HSDL2: variants seen among roughly 807,000 people sequenced by gnomAD.
HSDL2 encodes hydroxysteroid dehydrogenase-like protein 2.
In HSDL2, 27 loss-of-function variants were observed where a neutral mutation model predicts 46.3. That is an observed-to-expected ratio of 0.58 (90% CI 0.43 to 0.80). HSDL2 has a LOEUF of 0.80. HSDL2 is among the 30% of genes least tolerant of loss of function. The pLI is 0.00. For missense variants in HSDL2, 451 were observed against 502.7 expected (o/e 0.90, Z 0.98); for synonymous variants, 153 against 163.6 (o/e 0.94, Z 0.50).
intron 10 of HSDL2, among the ~76,000 whole-genome samples, chr9:112,467,594 A>G (rs1319340586): frequency 1.3e-5 from 2 of 152,106 alleles, no homozygotes; most frequent in Non-Finnish European, 2.9e-5. Context: ...CATCCTCATG[A>G]TTTCACCTAA....
In HSDL2 at chr9:112,471,062, A is replaced by C. The variant is rs1833563210; in HGVS notation, c.*518A>C. The C allele has an allele frequency of 6.6e-6, 1 of 152,200 alleles. No individual in the cohort carries two copies. Among genetic ancestry groups the C allele is most frequent in the South Asian group, 2.1e-4 (1 of 4,830 alleles). 9.4% of individuals were successfully genotyped at this position (152,200 alleles called of 1,614,324 possible). A position where few individuals can be genotyped will look rare whatever the true frequency, so the allele number is the denominator to read the frequency against. Reference sequence around the variant, plus strand: ...CTGGCGAGGACTAAATGAAACAATAATTTTTCATTTTGATAACTAGCTTTC... The same window carrying C: ...CTGGCGAGGACTAAATGAAACAATACTTTTTCATTTTGATAACTAGCTTTC... On this transcript the variant is annotated 3_prime_UTR_variant, in exon 11 of 11. Coordinates refer to ENST00000398805, the MANE Select transcript of HSDL2 (RefSeq NM_032303.5).
chr9:112,448,405 T>A, intron 8 of HSDL2, among the ~76,000 whole-genome samples: 1 of 152,286 alleles, frequency 6.6e-6, no homozygotes, highest in South Asian at 2.1e-4. Context: ...AGATGGACAT[T>A]TTTTTAATCA....
chr9:112,432,549 G>A (rs986301546), intron 6 of HSDL2, among the ~76,000 whole-genome samples: 1 of 152,214 alleles, frequency 6.6e-6, no homozygotes, highest in African/African-American at 2.4e-5. Context: ...TAGGCAGAAT[G>A]TTCTGTATCA....
At chr9:112,393,693 T>C (rs1434291202) in intron 1 of HSDL2, among the ~76,000 whole-genome samples, 2 of 152,222 alleles carry the variant, frequency 1.3e-5, no homozygotes. Context: ...ATTAATTAAA[T>C]GTACTGAGGG....
chr9:112,453,327 G>C (rs1832933191), intron 8 of HSDL2, among the ~76,000 whole-genome samples: 1 of 152,198 alleles, frequency 6.6e-6, no homozygotes, highest in Non-Finnish European at 1.5e-5. Flanking sequence ...TTAGAACTGA[G>C]AGAAATTGAC....
Position 112,471,424 on chromosome 9 carries a change from G to GT in HSDL2, c.*881dup, listed in dbSNP as rs1833572011. The GT allele has an allele frequency of 6.6e-6, 1 of 152,200 alleles. No homozygotes were observed. Among genetic ancestry groups the GT allele is most frequent in the Non-Finnish European group, 1.5e-5 (1 of 68,058 alleles). 9.4% of individuals were successfully genotyped at this position (152,200 alleles called of 1,614,324 possible). ...TTTGGACATAAGAGATACCAGCAAT[G>GT]TGTGCACAGAACAAAGACCAGGAGA... On this transcript the variant is annotated 3_prime_UTR_variant, in exon 11 of 11. Transcript: ENST00000398805.
intron 6 of HSDL2, among the ~76,000 whole-genome samples, chr9:112,430,364 T>C (rs1233524812): frequency 6.6e-6 from 1 of 151,470 alleles, no homozygotes; most frequent in Non-Finnish European, 1.5e-5. Context: ...GTCGCCAGAG[T>C]GAGGGAAGAG....
intron 1 of HSDL2, among the ~76,000 whole-genome samples, chr9:112,381,609 C>T (rs1463139741): frequency 6.6e-6 from 1 of 152,130 alleles, no homozygotes; most frequent in African/African-American, 2.4e-5. Flanking sequence ...CTGCCTCGGC[C>T]TCCCAAAGTG....
intron 1 of HSDL2, among the ~76,000 whole-genome samples, chr9:112,381,114 C>CACACACACACACAG (rs1831083280): frequency 6.7e-6 from 1 of 149,274 alleles, no homozygotes; most frequent in Non-Finnish European, 1.5e-5. Flanking sequence ...CACACACACA[C>CACACACACACACAG]ACATACCCTT....
chr9:112,386,953 T>C (rs2132592237), intron 1 of HSDL2, among the ~76,000 whole-genome samples: 1 of 152,266 alleles, frequency 6.6e-6, no homozygotes, highest in East Asian at 1.9e-4. Flanking sequence ...AAGCTGGCAG[T>C]GATTAAAAGA....
At chr9:112,411,011 G>A (rs911626046) in intron 4 of HSDL2, among the ~76,000 whole-genome samples, 2 of 152,158 alleles carry the variant, frequency 1.3e-5, no homozygotes, top group Admixed American at 6.5e-5. Flanking sequence ...TGAAATCTTA[G>A]AAGATCTGGC....
chr9:112,416,751 C>A (rs1437142137), intron 4 of HSDL2, 90 bp from the exon 5 acceptor site: 2 of 632,680 alleles, frequency 3.2e-6, no homozygotes, highest in Non-Finnish European at 5.7e-6. Flanking sequence ...CCAGCCTGGG[C>A]AACAGAGCAA....
chr9:112,452,235 C>T (rs1490594504), intron 8 of HSDL2, among the ~76,000 whole-genome samples: 2 of 152,110 alleles, frequency 1.3e-5, no homozygotes, highest in African/African-American at 2.4e-5. Context: ...TTACTTTGTA[C>T]TATGGAGTAT....
At chr9:112,410,915 C>T (rs924385822) in intron 4 of HSDL2, among the ~76,000 whole-genome samples, 4 of 152,144 alleles carry the variant, frequency 2.6e-5, no homozygotes, top group East Asian at 1.9e-4. Context: ...GGTGACAGAG[C>T]GAGACCCTGT....
intron 1 of HSDL2, among the ~76,000 whole-genome samples, chr9:112,391,350 G>A (rs193243873): frequency 2.0e-5 from 3 of 151,918 alleles, no homozygotes; most frequent in South Asian, 2.1e-4. Flanking sequence ...GCATGCACCC[G>A]TAGTTCCAGG....
intron 10 of HSDL2, among the ~76,000 whole-genome samples, chr9:112,469,053 C>G (rs1047760248): frequency 6.6e-6 from 1 of 152,102 alleles, no homozygotes; most frequent in Non-Finnish European, 1.5e-5. Context: ...ATAAAAGTTA[C>G]CCCTTCATTT....
intron 6 of HSDL2, among the ~76,000 whole-genome samples, chr9:112,419,426 C>G (rs756468479): frequency 2.0e-4 from 31 of 152,152 alleles, no homozygotes; most frequent in Non-Finnish European, 3.8e-4. Flanking sequence ...AACATAAGAT[C>G]CTTTTCAATC....
At chr9:112,416,701 G>A (rs1483614616) in intron 4 of HSDL2, 140 bp from the exon 5 acceptor site, 3 of 484,086 alleles carry the variant, frequency 6.2e-6, no homozygotes, top group Non-Finnish European at 7.4e-6. Context: ...AGGAGCCCAG[G>A]AGCTCAAGGC....
At chr9:112,458,417 C>A (rs1184407180) in intron 9 of HSDL2, among the ~76,000 whole-genome samples, 1 of 151,456 alleles carries the variant, frequency 6.6e-6, no homozygotes, top group Non-Finnish European at 1.5e-5. Flanking sequence ...CCTCTGCCCC[C>A]AAGGTTCAAA....
Sources: gnomAD v4.1 joint callset for allele counts (sites outside exome capture counted in the v4.1 genomes callset) on GRCh38, gnomAD v4.1.1 for gene constraint, MANE v1.5 for transcripts, NCBI Gene and HGNC (gene_info 2026-07-23, HGNC 2026-07-21) for gene names.